CTNNA3: variants seen among roughly 807,000 people sequenced by gnomAD.
The protein encoded by CTNNA3 is catenin alpha 3.
A neutral mutation model predicts 95.7 loss-of-function variants in CTNNA3; 76 were observed. That is an observed-to-expected ratio of 0.79 (90% CI 0.66 to 0.96). The LOEUF is 0.96. Among genes scored for constraint, CTNNA3 ranks in the 40% least tolerant of loss-of-function variants. The pLI is 0.00. For missense variants in CTNNA3, 1,191 were observed against 1,089.8 expected, an observed-to-expected ratio of 1.09 and a Z score of -1.31; for synonymous variants, 431 against 374.4, an observed-to-expected ratio of 1.15 and a Z score of -1.74.
chr10:67,750,411 T>C (rs1044833749), intron 1 of CTNNA3: 22 of 1,486,328 alleles, frequency 1.5e-5, no homozygotes, highest in African/African-American at 1.2e-4. Flanking sequence ...TATCGCCACA[T>C]TGACTGTGCC....
At chr10:67,011,130 C>A (rs574047674) in intron 7 of CTNNA3, among the ~76,000 whole-genome samples, 20 of 152,152 alleles carry the variant, frequency 1.3e-4, no homozygotes, top group African/African-American at 4.6e-4. Context: ...GGGGTCAAGA[C>A]CATCCTGGCT....
chr10:66,627,731 G>A (rs1844988569), intron 9 of CTNNA3, among the ~76,000 whole-genome samples: 1 of 152,130 alleles, frequency 6.6e-6, no homozygotes, highest in Non-Finnish European at 1.5e-5. Context: ...GAAGGAGACA[G>A]TCATATCAGT....
At chr10:67,130,402 C>T (rs1859936986) in intron 7 of CTNNA3, among the ~76,000 whole-genome samples, 1 of 152,086 alleles carries the variant, frequency 6.6e-6, no homozygotes, top group South Asian at 2.1e-4. Flanking sequence ...TTTGCTATCT[C>T]AAAAGGTTGC....
At chr10:67,602,434 GT>G (rs1171346106) in intron 3 of CTNNA3, among the ~76,000 whole-genome samples, 3 of 152,150 alleles carry the variant, frequency 2.0e-5, no homozygotes, top group Non-Finnish European at 4.4e-5. Context: ...CCACACTGAA[GT>G]TGCTGGCGGT....
intron 7 of CTNNA3, among the ~76,000 whole-genome samples, chr10:67,087,418 AG>A (rs935181851): frequency 2.6e-5 from 4 of 152,022 alleles, no homozygotes; most frequent in African/African-American, 9.7e-5. Flanking sequence ...TGCAATTTAT[AG>A]GGGGAAAATC....
At chr10:67,196,503 G>A (rs1420041827) in intron 6 of CTNNA3, among the ~76,000 whole-genome samples, 1 of 151,964 alleles carries the variant, frequency 6.6e-6, no homozygotes, top group Non-Finnish European at 1.5e-5. Context: ...AATCTTGTAA[G>A]TAATGAACAT....
chr10:66,857,260 T>C (rs1324579095), intron 7 of CTNNA3, among the ~76,000 whole-genome samples: 1 of 152,130 alleles, frequency 6.6e-6, no homozygotes, highest in Non-Finnish European at 1.5e-5. Flanking sequence ...CATTAGTCTA[T>C]GTGACCGTTT....
At chr10:66,857,594 T>G (rs1326762639) in intron 7 of CTNNA3, among the ~76,000 whole-genome samples, 1 of 152,064 alleles carries the variant, frequency 6.6e-6, no homozygotes, top group African/African-American at 2.4e-5. Context: ...TAATAAGTGT[T>G]TTTTAATTCT....
intron 5 of CTNNA3, among the ~76,000 whole-genome samples, chr10:67,296,138 C>T (rs1840020171): frequency 6.6e-6 from 1 of 152,162 alleles, no homozygotes; most frequent in Non-Finnish European, 1.5e-5. Flanking sequence ...TTTATATTAT[C>T]TCAGCAAAGA....
At chr10:67,174,230 C>T (rs10997551) in intron 7 of CTNNA3, among the ~76,000 whole-genome samples, 11,559 of 152,092 alleles carry the variant, frequency 0.076, 639 homozygotes, top group African/African-American at 0.15. Flanking sequence ...TTACTAGTTC[C>T]GCAATCACAT....
At chr10:66,737,971 T>C (rs1849203209) in intron 9 of CTNNA3, among the ~76,000 whole-genome samples, 1 of 152,214 alleles carries the variant, frequency 6.6e-6, no homozygotes, top group Non-Finnish European at 1.5e-5. Context: ...TTTGTGCTTT[T>C]AAGTAACATC....
At chr10:67,623,763 C>T (rs930948359) in intron 2 of CTNNA3, among the ~76,000 whole-genome samples, 1 of 152,092 alleles carries the variant, frequency 6.6e-6, no homozygotes, top group Non-Finnish European at 1.5e-5. Flanking sequence ...TGAGGATTGG[C>T]AGCTGAAGGA....
At chr10:66,092,048 A>G (rs1585602) in intron 14 of CTNNA3, among the ~76,000 whole-genome samples, 35,578 of 151,650 alleles carry the variant, frequency 0.23, 4,306 homozygotes, top group South Asian at 0.36. Flanking sequence ...CTCTGTATCA[A>G]TATAAATAGT....
In CTNNA3 at chr10:66,685,228, T is replaced by C. The variant is rs1471899961; in HGVS notation, c.1282-63444A>G. ...ATACGTATATATATGTGTATATATA[T>C]ACGTATATATGTGTGTATATATACG... On this transcript the variant is annotated intron_variant, in intron 9 of 17. Coordinates refer to ENST00000433211, the MANE Select transcript of CTNNA3 (RefSeq NM_013266.4). Among the ~76,000 whole-genome samples, 24 of 142,104 alleles carry C rather than the reference T, an allele frequency of 1.7e-4. 1 individual carries two copies. Among genetic ancestry groups the C allele is most frequent in the Non-Finnish European group, 1.7e-4 (11 of 66,024 alleles). The allele number at this position is 142,104 out of a possible 152,430, so 93.2% of individuals were successfully genotyped here. A position where few individuals can be genotyped will look rare whatever the true frequency, so the allele number is the denominator to read the frequency against.
At chr10:66,176,373 T>G (rs1322053381) in intron 13 of CTNNA3, among the ~76,000 whole-genome samples, 2 of 152,126 alleles carry the variant, frequency 1.3e-5, no homozygotes, top group Non-Finnish European at 2.9e-5. Context: ...TGAAATATTT[T>G]TAAATTACTG....
chr10:66,992,337 T>C (rs1380727436), intron 7 of CTNNA3, among the ~76,000 whole-genome samples: 1 of 152,150 alleles, frequency 6.6e-6, no homozygotes, highest in South Asian at 2.1e-4. Context: ...ACTGTTTATA[T>C]CCTTTGCCTA....
At chr10:66,220,967 G>A (rs74837694) in intron 13 of CTNNA3, among the ~76,000 whole-genome samples, 5,169 of 152,230 alleles carry the variant, frequency 0.034, 212 homozygotes, top group African/African-American at 0.099. Flanking sequence ...ACTTTGGGCC[G>A]TGGGTCCAGG....
chr10:67,094,475 G>A (rs558999438), intron 7 of CTNNA3, among the ~76,000 whole-genome samples: 1 of 151,864 alleles, frequency 6.6e-6, no homozygotes, highest in Non-Finnish European at 1.5e-5. Flanking sequence ...TGGGGGAACA[G>A]TGTATAATTA....
intron 1 of CTNNA3, among the ~76,000 whole-genome samples, chr10:67,682,951 C>G (rs1840655014): frequency 6.6e-6 from 1 of 152,192 alleles, no homozygotes; most frequent in South Asian, 2.1e-4. Context: ...TCTGTCTTAA[C>G]CAAATATAAC....
Sources: allele counts gnomAD v4.1 joint callset (sites outside exome capture counted in the v4.1 genomes callset), GRCh38; gene constraint gnomAD v4.1.1; transcripts MANE v1.5; gene names NCBI Gene and HGNC (gene_info 2026-07-23, HGNC 2026-07-21).